MGMT: variants seen among roughly 807,000 people sequenced by gnomAD.
MGMT encodes methylated-DNA--protein-cysteine methyltransferase.
A neutral mutation model predicts 15.9 loss-of-function variants in MGMT; 14 were observed. The observed-to-expected ratio is 0.88, with a 90% CI of 0.58 to 1.37. The LOEUF (loss-of-function observed/expected upper bound fraction) is 1.37, where lower values mean the gene tolerates loss of function less well. Ranked by LOEUF, MGMT falls within the 40% of genes most tolerant of loss-of-function variation. The probability of loss-of-function intolerance (pLI) is 0.00; values close to 1 mark genes in which losing one functional copy is unlikely to be tolerated. For missense variants in MGMT, 282 were observed against 268.1 expected, an observed-to-expected ratio of 1.05 and a Z score of -0.36; for synonymous variants, 130 against 118.2, an observed-to-expected ratio of 1.10 and a Z score of -0.65.
intron 2 of MGMT, among the ~76,000 whole-genome samples, chr10:129,546,041 G>A (rs1050434538): frequency 2.0e-5 from 3 of 152,238 alleles, no homozygotes; most frequent in Non-Finnish European, 2.9e-5. Flanking sequence ...TGCTGTACAA[G>A]TGACGGAAGT....
chr10:129,518,337 T>TACGCACAC (rs1845762714), intron 1 of MGMT, among the ~76,000 whole-genome samples: 1 of 119,580 alleles, frequency 8.4e-6, no homozygotes, highest in Admixed American at 8.4e-5. Context: ...TACACACACA[T>TACGCACAC]ACACACACAC....
rs941741732 is a variant in MGMT at position 129,659,882 on chromosome 10, A to G, written c.126-48013A>G. On this transcript the variant is annotated intron_variant, in intron 2 of 4. Transcript: ENST00000651593. This position sits in a 1 kb window ranked among gnomAD's most constrained non-coding sequence, Gnocchi z 4.1. ...TGTTTGGGCACGGGCGACAGGACGT[A>G]GGGTGGTCATCCGAATATCCCTGCC... Among the ~76,000 whole-genome samples the G allele has an allele frequency of 3.3e-5, 5 of 152,220 alleles. No individual in the cohort carries two copies. The highest frequency in any genetic ancestry group is 1.2e-4 in the African/African-American group (5 of 41,458).
At chr10:129,471,839 T>G (rs1762432) in intron 1 of MGMT, among the ~76,000 whole-genome samples, 152,084 of 152,302 alleles carry the variant, frequency 1, 75,934 homozygotes, top group Middle Eastern at 1. Flanking sequence ...CTTCCAGAAG[T>G]ATCCATCGGC....
At chr10:129,561,573 A>G (rs938947587) in intron 2 of MGMT, among the ~76,000 whole-genome samples, 5 of 152,174 alleles carry the variant, frequency 3.3e-5, no homozygotes, top group Admixed American at 6.5e-5. Context: ...TCAAGGTGAT[A>G]TCTTGTCTGA....
Position 129,766,876 on chromosome 10 carries a change from T to G in MGMT, c.503T>G (p.Leu168Arg). 6.2e-7 allele frequency: 1 copy of G among 1,613,682 alleles called. No homozygotes were observed. The highest frequency in any genetic ancestry group is 8.5e-7 in the Non-Finnish European group (1 of 1,180,034). The stretch of plus-strand genomic sequence containing the variant: ...GGAGGACTGGCCGTGAAGGAATGGC[T>G]TCTGGCCCATGAAGGCCACCGGTTG... ...YSGGLAVKEW[L>R]LAHEGHRLGK... is the part of the protein sequence containing the mutation. The change falls in exon 5 of 5, where the codon CTT (leucine) becomes CGT (arginine). Residue 168 changes from leucine (L) to arginine (R), a missense_variant. Physicochemically the swap from Leu to Arg is moderately radical, Grantham distance 102. Coordinates refer to ENST00000651593, the MANE Select transcript of MGMT (RefSeq NM_002412.5).
intron 4 of MGMT, among the ~76,000 whole-genome samples, chr10:129,766,377 T>C (rs761907720): frequency 2.0e-5 from 3 of 152,204 alleles, no homozygotes; most frequent in African/African-American, 4.8e-5. Context: ...ATGCGTCCTG[T>C]GATGCCTGCG....
rs1242397343 is a variant in MGMT, at chr10:129,659,428, G to A, written c.126-48467G>A. Among the ~76,000 whole-genome samples, 2 of 152,050 alleles carry A rather than the reference G, an allele frequency of 1.3e-5. No individual in the cohort carries two copies. The highest frequency in any genetic ancestry group is 3.9e-4 in the East Asian group (2 of 5,176). ...GTTGTTTTCTAAATGCGTTTGGCTG[G>A]AGATAGAACAGATCCTGCCTCTATC... On this transcript the variant is annotated intron_variant, in intron 2 of 4. Transcript: ENST00000651593. This position sits in a 1 kb window ranked among gnomAD's most constrained non-coding sequence, Gnocchi z 4.1.
At chr10:129,628,670 C>T (rs140859775) in intron 2 of MGMT, among the ~76,000 whole-genome samples, 114 of 152,268 alleles carry the variant, frequency 7.5e-4, no homozygotes, top group East Asian at 2.9e-3. Flanking sequence ...GGAGGCACTG[C>T]GTGTTGGGCT....
intron 2 of MGMT, among the ~76,000 whole-genome samples, chr10:129,590,986 C>T (rs981437279): frequency 3.3e-5 from 5 of 152,146 alleles, no homozygotes; most frequent in African/African-American, 1.2e-4. Context: ...CTGAAAATGA[C>T]GTAGTCGTTG....
At chr10:129,479,523 G>T (rs1478590488) in intron 1 of MGMT, among the ~76,000 whole-genome samples, 6 of 152,296 alleles carry the variant, frequency 3.9e-5, no homozygotes, top group African/African-American at 1.4e-4. Flanking sequence ...ATAGTGAAAA[G>T]TTCTCGAGTG....
At chr10:129,673,342 G>T (rs7076288) in intron 2 of MGMT, among the ~76,000 whole-genome samples, 10 of 152,158 alleles carry the variant, frequency 6.6e-5, no homozygotes, top group African/African-American at 2.4e-4. Flanking sequence ...CCACTTTTCT[G>T]TCAGCCCTGC....
At chr10:129,737,052 T>TC (rs1160922920) in intron 3 of MGMT, among the ~76,000 whole-genome samples, 1 of 152,064 alleles carries the variant, frequency 6.6e-6, no homozygotes, top group Non-Finnish European at 1.5e-5. Flanking sequence ...GTTGCTCTTC[T>TC]CGAGGAGTAT....
chr10:129,611,014 A>G (rs1299281892), intron 2 of MGMT, among the ~76,000 whole-genome samples: 1 of 152,220 alleles, frequency 6.6e-6, no homozygotes, highest in Non-Finnish European at 1.5e-5. Flanking sequence ...ATTCTGGCTT[A>G]AACTTTGGTA....
chr10:129,515,857 T>G (rs1358054152), intron 1 of MGMT, among the ~76,000 whole-genome samples: 3 of 152,254 alleles, frequency 2.0e-5, no homozygotes, highest in Non-Finnish European at 4.4e-5. Flanking sequence ...TAAATGTCTC[T>G]GCCTGCTACT....
At chr10:129,485,273 T>G (rs1047705953) in intron 1 of MGMT, among the ~76,000 whole-genome samples, 3 of 152,156 alleles carry the variant, frequency 2.0e-5, no homozygotes, top group African/African-American at 7.2e-5. Flanking sequence ...ATCCTGATGA[T>G]TCTAGGTGTT....
At chr10:129,622,935 A>C (rs778072211) in intron 2 of MGMT, among the ~76,000 whole-genome samples, 2 of 152,168 alleles carry the variant, frequency 1.3e-5, no homozygotes, top group Non-Finnish European at 2.9e-5. Flanking sequence ...GGCAGGATCT[A>C]CGTGGGCCGA....
At chr10:129,680,707 T>C (rs1260322709) in intron 2 of MGMT, among the ~76,000 whole-genome samples, 1 of 152,192 alleles carries the variant, frequency 6.6e-6, no homozygotes, top group African/African-American at 2.4e-5. Flanking sequence ...TCGTCAGGTA[T>C]TTCCTCAGGT....
At chr10:129,740,947 A>G (rs1441105163) in intron 3 of MGMT, among the ~76,000 whole-genome samples, 3 of 152,160 alleles carry the variant, frequency 2.0e-5, no homozygotes, top group South Asian at 2.1e-4. Flanking sequence ...ACCATCTTCA[A>G]ATGAGTGCCC....
At chr10:129,491,430 A>G (rs922082786) in intron 1 of MGMT, among the ~76,000 whole-genome samples, 2 of 151,992 alleles carry the variant, frequency 1.3e-5, no homozygotes, top group African/African-American at 2.4e-5. Context: ...GGTTTTCTTC[A>G]TATTTATTCT....
Sources: gnomAD v4.1 joint callset for allele counts (sites outside exome capture counted in the v4.1 genomes callset) on GRCh38, gnomAD v4.1.1 for gene constraint, Gnocchi (gnomAD v3.1) non-coding constraint, MANE v1.5 for transcripts, NCBI Gene and HGNC (gene_info 2026-07-23, HGNC 2026-07-21) for gene names.